Variants in WBP2NL observed in about 807,000 individuals in gnomAD.
WBP2NL encodes the protein postacrosomal sheath WW domain-binding protein.
A neutral mutation model predicts 23.3 loss-of-function variants in WBP2NL; 27 were observed. The ratio of observed to expected loss-of-function variants is 1.16; its 90% CI spans 0.85 to 1.60. The LOEUF (loss-of-function observed/expected upper bound fraction) is 1.60, where lower values mean the gene tolerates loss of function less well. Among genes scored for constraint, WBP2NL ranks in the 40% most tolerant of loss-of-function variants. The pLI is 0.00. For missense variants in WBP2NL, 370 were observed against 389.5 expected, an observed-to-expected ratio of 0.95 and a Z score of 0.42; for synonymous variants, 151 against 145.9, an observed-to-expected ratio of 1.03 and a Z score of -0.25.
chr22:42,025,634 T>C (rs1316556253), intron 5 of WBP2NL, among the ~76,000 whole-genome samples: 1 of 152,234 alleles, frequency 6.6e-6, no homozygotes, highest in Non-Finnish European at 1.5e-5. Flanking sequence ...TCATAGATGC[T>C]TGGGTTTATT....
chr22:42,053,789 C>A (rs1925926267), intron 8 of WBP2NL, among the ~76,000 whole-genome samples: 1 of 152,006 alleles, frequency 6.6e-6, no homozygotes, highest in Non-Finnish European at 1.5e-5. Context: ...AGCTTATTAG[C>A]CATTTGTATA....
At chr22:42,057,869 GTATATATATATATATATATATATA>G (rs5845518) in intron 8 of WBP2NL, among the ~76,000 whole-genome samples, 1 of 32,540 alleles carries the variant, frequency 3.1e-5, no homozygotes, top group Non-Finnish European at 4.8e-5. Flanking sequence ...GTGTGTGTAT[GTATATATATATATATATATATATA>G]TATATATATT....
Position 42,027,131 on chromosome 22 carries a change from G to A in WBP2NL, c.880G>A (p.Glu294Lys), listed in dbSNP as rs766186299. ...PQESTAAQAP[E>K]NEASLPSASS... The stretch of plus-strand genomic sequence containing the variant: ...GGAATCTACAGCAGCCCAGGCTCCT[G>A]AAAACGAGGCTTCTCTTCCCTCTGC... Residue 294 changes from glutamate (E) to lysine (K), a missense_variant, in exon 6 of 6, where the codon GAA becomes AAA. By Grantham distance (56) the Glu-to-Lys change is moderately conservative (BLOSUM62 1). Coordinates refer to ENST00000328823, the MANE Select transcript of WBP2NL (RefSeq NM_152613.3). 3.1e-6 allele frequency: 5 copies of A among 1,613,940 alleles called. No homozygotes were observed. The highest frequency in any genetic ancestry group is 1.3e-5 in the African/African-American group (1 of 74,896).
At chr22:42,015,376 C>T (rs1405799642) in intron 1 of WBP2NL, among the ~76,000 whole-genome samples, 1 of 152,098 alleles carries the variant, frequency 6.6e-6, no homozygotes, top group Non-Finnish European at 1.5e-5. Context: ...GTTTACAACT[C>T]TGCCTTCACC....
chr22:42,021,844 T>G (rs1220210047), intron 4 of WBP2NL, among the ~76,000 whole-genome samples: 1 of 149,314 alleles, frequency 6.7e-6, no homozygotes, highest in Admixed American at 6.8e-5. Context: ...GGCTGGAGGC[T>G]CCAGTGCAGT....
chr22:41,999,258 C>A (rs1193972778), intron 1 of WBP2NL, among the ~76,000 whole-genome samples: 1 of 152,218 alleles, frequency 6.6e-6, no homozygotes, highest in Non-Finnish European at 1.5e-5. Flanking sequence ...AGCGTGGCTG[C>A]CCTTGGGTGC....
chr22:42,035,518 G>T (rs1355593925), downstream of WBP2NL, among the ~76,000 whole-genome samples: 2 of 152,246 alleles, frequency 1.3e-5, no homozygotes, highest in Admixed American at 6.5e-5. Flanking sequence ...GGAGCATGCA[G>T]CCCTGGCCAT....
At chr22:42,051,181 A>G (rs368854603) in intron 8 of WBP2NL, among the ~76,000 whole-genome samples, 2 of 152,378 alleles carry the variant, frequency 1.3e-5, no homozygotes. Context: ...GTAATGTACT[A>G]TCAAACCATG....
chr22:41,998,791 T>C lies in WBP2NL; in HGVS notation c.-28T>C. On this transcript the variant is annotated 5_prime_UTR_variant, in exon 1 of 6. Transcript: ENST00000328823. Reference sequence around the variant, plus strand: ...GGCGCAGGTCCCGCCCCTTTCCATCTACGGGGCGGCAGGAGGCCCGAAGCA... The same window carrying C: ...GGCGCAGGTCCCGCCCCTTTCCATCCACGGGGCGGCAGGAGGCCCGAAGCA... 1 of 1,601,860 alleles carries C rather than the reference T, an allele frequency of 6.2e-7. No individual in the cohort carries two copies. The highest frequency in any genetic ancestry group is 8.5e-7 in the Non-Finnish European group (1 of 1,173,430).
chr22:42,042,544 C>T (rs1048690186), intron 8 of WBP2NL, among the ~76,000 whole-genome samples: 1 of 152,078 alleles, frequency 6.6e-6, no homozygotes, highest in Non-Finnish European at 1.5e-5. Context: ...TCATTTCATT[C>T]TTGTATTCTT....
chr22:42,000,144 C>T (rs986474439), intron 1 of WBP2NL, among the ~76,000 whole-genome samples: 2 of 152,184 alleles, frequency 1.3e-5, no homozygotes, highest in African/African-American at 4.8e-5. Context: ...CCAGCACACT[C>T]AGGTCAGTTT....
intron 1 of WBP2NL, among the ~76,000 whole-genome samples, chr22:42,012,097 T>C (rs552623159): frequency 9.2e-5 from 14 of 152,290 alleles, no homozygotes; most frequent in Middle Eastern, 3.4e-3. Context: ...TAATATCCTC[T>C]TTTTCATTTC....
At chr22:42,006,837 A>T (rs1922300513) in intron 1 of WBP2NL, among the ~76,000 whole-genome samples, 1 of 152,228 alleles carries the variant, frequency 6.6e-6, no homozygotes, top group African/African-American at 2.4e-5. Context: ...TGTGTTTTGT[A>T]GAGATTTTTT....
intron 8 of WBP2NL, among the ~76,000 whole-genome samples, chr22:42,044,897 G>A (rs1324570050): frequency 6.6e-6 from 1 of 152,078 alleles, no homozygotes; most frequent in Non-Finnish European, 1.5e-5. Context: ...ACTGTAACTA[G>A]GAACTCCTGG....
chr22:42,000,369 A>C (rs983562012), intron 1 of WBP2NL, among the ~76,000 whole-genome samples: 15 of 152,202 alleles, frequency 9.9e-5, no homozygotes, highest in Admixed American at 3.9e-4. Context: ...CCCCGTGAGC[A>C]CTTACTGAGA....
intron 8 of WBP2NL, among the ~76,000 whole-genome samples, chr22:42,040,264 C>G (rs1602477533): frequency 1.3e-5 from 2 of 150,346 alleles, no homozygotes; most frequent in African/African-American, 4.9e-5. Context: ...GCTCTGTTGC[C>G]TAGGCTGGAG....
chr22:42,035,588 T>C (rs1394070939), downstream of WBP2NL, among the ~76,000 whole-genome samples: 1 of 152,258 alleles, frequency 6.6e-6, no homozygotes, highest in Non-Finnish European at 1.5e-5. Context: ...GCTGCTGCCA[T>C]CATTAATATG....
chr22:42,025,751 A>C (rs536737673), intron 5 of WBP2NL, among the ~76,000 whole-genome samples: 25 of 152,348 alleles, frequency 1.6e-4, no homozygotes, highest in African/African-American at 5.8e-4. Context: ...AAAGCAAAAT[A>C]ACTTTACAGC....
At chr22:42,030,472 G>A (rs528042778), downstream of WBP2NL, 1 of 152,360 alleles carries the variant, frequency 6.6e-6, no homozygotes, top group South Asian at 2.1e-4. Context: ...CTGGGATAGA[G>A]TTATGGGTCT....
Sources: allele counts gnomAD v4.1 joint callset (sites outside exome capture counted in the v4.1 genomes callset), GRCh38; gene constraint gnomAD v4.1.1; transcripts MANE v1.5; gene names NCBI Gene and HGNC (gene_info 2026-07-23, HGNC 2026-07-21).